HECTD4: variants seen among roughly 807,000 people sequenced by gnomAD.
The protein encoded by HECTD4 is probable E3 ubiquitin-protein ligase HECTD4.
In HECTD4, 114 loss-of-function variants were observed where a neutral mutation model predicts 471.5. The observed-to-expected ratio is 0.24, with a 90% CI of 0.21 to 0.28. HECTD4 has a LOEUF of 0.28. Among genes scored for constraint, HECTD4 ranks in the 10% least tolerant of loss-of-function variants. The pLI is 1.00. For missense variants in HECTD4, 3,866 were observed against 5,651.5 expected (o/e 0.68, Z 10.13); for synonymous variants, 2,012 against 2,256.0 (o/e 0.89, Z 3.07).
chr12:112,205,959 T>C (rs2032568987), intron 52 of HECTD4, among the ~76,000 whole-genome samples: 1 of 152,198 alleles, frequency 6.6e-6, no homozygotes. Context: ...TGTTGCTTGT[T>C]TAAGAAAGAG....
At chr12:112,308,932 T>G in intron 5 of HECTD4, 41 bp from the exon 6 acceptor site, 1 of 1,521,700 alleles carries the variant, frequency 6.6e-7, no homozygotes, top group Middle Eastern at 1.7e-4. Flanking sequence ...CACCTGGCTA[T>G]GTCAGAAACC....
intron 48 of HECTD4, 58 bp downstream of exon 48, chr12:112,216,234 G>C (rs961075642): frequency 8.4e-6 from 10 of 1,187,700 alleles, no homozygotes; most frequent in Non-Finnish European, 1.2e-5. Context: ...AACCTGTTTA[G>C]ACCCAAACCT....
rs2033804176 is a variant in HECTD4, at chr12:112,248,232, C to A, written c.4144-61G>T. 22 of 1,524,284 alleles carry A rather than the reference C, an allele frequency of 1.4e-5. 1 individual carries two copies. In the South Asian group the frequency reaches 2.5e-4, roughly 18 times the overall value. 94.4% of individuals were successfully genotyped at this position (1,524,284 alleles called of 1,614,324 possible). On this transcript the variant is annotated intron_variant, in intron 26 of 75. Coordinates refer to ENST00000682272, the MANE Select transcript of HECTD4 (RefSeq NM_001388303.1). ...CAAGTATGATTCAAAATTTTAGTCACAATAGTAATTTTAAAAATTAGATCA... is the reference window on the plus strand; with the variant it reads ...CAAGTATGATTCAAAATTTTAGTCAAAATAGTAATTTTAAAAATTAGATCA...
At chr12:112,365,531 G>A (rs772056278) in intron 1 of HECTD4, among the ~76,000 whole-genome samples, 1 of 152,124 alleles carries the variant, frequency 6.6e-6, no homozygotes, top group Non-Finnish European at 1.5e-5. Flanking sequence ...ACATTCAACT[G>A]CTCAATAGCC....
intron 1 of HECTD4, among the ~76,000 whole-genome samples, chr12:112,372,783 G>T (rs1055311085): frequency 2.6e-5 from 4 of 151,924 alleles, no homozygotes; most frequent in African/African-American, 9.7e-5. Context: ...TTGAGACAGG[G>T]TCTGGCTCTG....
At chr12:112,210,395 G>C in intron 49 of HECTD4, 143 bp from the exon 50 acceptor site, 1 of 804,232 alleles carries the variant, frequency 1.2e-6, no homozygotes. Flanking sequence ...GTGGGGGCTG[G>C]AGGGACTGAG....
chr12:112,266,663 TG>T (rs1479327313), intron 14 of HECTD4, among the ~76,000 whole-genome samples: 7 of 152,172 alleles, frequency 4.6e-5, no homozygotes, highest in Non-Finnish European at 8.8e-5. Flanking sequence ...TTTTATTTTT[TG>T]TAGAGTCAGG....
rs539591087 is a variant in HECTD4 at position 112,170,426 on chromosome 12, T to C, written c.11959A>G (p.Thr3987Ala). 4 of 1,613,962 alleles carry C rather than the reference T, an allele frequency of 2.5e-6. No individual in the cohort carries two copies. The highest frequency in any genetic ancestry group is 3.4e-6 in the Non-Finnish European group (4 of 1,179,884). ...GCATTCAGCACTCGATTCATCACGG[T>C]CACCTTCGTGTCATAGAAGATCAGC... The part of the protein sequence containing the change: ...KGLIFYDTKV[T>A]VMNRVLNATV... The change falls in exon 69 of 76, where the codon ACC becomes GCC. Residue 3987 changes from threonine (T) to alanine (A), a missense_variant. This residue lies in a region of HECTD4 where 715 missense variants were observed against 1,087.6 expected (regional missense o/e 0.66). Coordinates refer to ENST00000682272, the MANE Select transcript of HECTD4 (RefSeq NM_001388303.1).
intron 6 of HECTD4, among the ~76,000 whole-genome samples, chr12:112,307,657 G>A (rs1206624490): frequency 6.6e-6 from 1 of 152,176 alleles, no homozygotes; most frequent in Non-Finnish European, 1.5e-5. Context: ...TATGTGCTCT[G>A]GAGATGACAG....
intron 65 of HECTD4, 88 bp from the exon 66 acceptor site, chr12:112,175,947 C>T: frequency 6.7e-7 from 1 of 1,501,208 alleles, no homozygotes; most frequent in Non-Finnish European, 9.1e-7. Context: ...CACAGCCTCT[C>T]CCCTACGGCC....
intron 44 of HECTD4, among the ~76,000 whole-genome samples, chr12:112,224,813 C>T (rs1014885033): frequency 6.6e-6 from 1 of 152,156 alleles, no homozygotes; most frequent in African/African-American, 2.4e-5. Context: ...GTAAATTTCA[C>T]AATTAAGACC....
chr12:112,374,722 G>C (rs953241059), intron 1 of HECTD4, among the ~76,000 whole-genome samples: 1 of 152,208 alleles, frequency 6.6e-6, no homozygotes, highest in South Asian at 2.1e-4. Flanking sequence ...GGCTAGCAGT[G>C]TCCTCCTAGG....
chr12:112,200,653 T>G lies in HECTD4; in HGVS notation c.8552A>C (p.Asn2851Thr). The G allele has an allele frequency of 6.2e-7, 1 of 1,612,044 alleles. No homozygotes were observed. The highest frequency in any genetic ancestry group is 8.5e-7 in the Non-Finnish European group (1 of 1,178,934). The change falls in exon 55 of 76, where the codon AAC becomes ACC. Residue 2851 changes from asparagine (N) to threonine (T), a missense_variant. This residue lies in a region of HECTD4 where 266 missense variants were observed against 441.6 expected (regional missense o/e 0.60). Coordinates refer to ENST00000682272, the MANE Select transcript of HECTD4 (RefSeq NM_001388303.1). ...CCAATTGTACCTGTGAATTTGAAGG[T>G]TGGTATTGTCCAGTGTGACCAGCCC... is the stretch of plus-strand genomic sequence containing the variant. The part of the protein sequence containing the change: ...TNGLVTLDNT[N>T]LQIHRELLRC...
intron 17 of HECTD4, among the ~76,000 whole-genome samples, chr12:112,262,339 C>T (rs541109109): frequency 1.0e-3 from 155 of 151,638 alleles, no homozygotes; most frequent in African/African-American, 3.5e-3. Flanking sequence ...GGTGAAACCC[C>T]GTCTCTACTA....
Position 112,334,843 on chromosome 12 carries a change from T to C in HECTD4, c.178-15101A>G, listed in dbSNP as rs570513470. On this transcript the variant is annotated intron_variant, in intron 1 of 75. Transcript: ENST00000682272. ...AAAAAAAAAGCCATAATCAAAAAAA[T>C]TAAAAAATAATACACGTTGGCATGG... Among the ~76,000 whole-genome samples the C allele has an allele frequency of 3.2e-4, 46 of 143,868 alleles. No homozygotes were observed. The East Asian group carries it at 8.8e-3, about 27-fold the overall frequency. 94.4% of individuals were successfully genotyped at this position (143,868 alleles called of 152,430 possible).
At chr12:112,185,597 C>T in intron 60 of HECTD4, 104 bp from the exon 61 acceptor site, 1 of 838,038 alleles carries the variant, frequency 1.2e-6, no homozygotes, top group Non-Finnish European at 1.8e-6. Flanking sequence ...CCTGTGAACA[C>T]TGACTGCGCA....
intron 47 of HECTD4, among the ~76,000 whole-genome samples, 188 bp from the exon 48 acceptor site, chr12:112,216,559 G>T (rs1490297606): frequency 6.6e-6 from 1 of 152,116 alleles, no homozygotes; most frequent in African/African-American, 2.4e-5. Context: ...AAGGGTTATA[G>T]AATTTGCAAA....
intron 7 of HECTD4, among the ~76,000 whole-genome samples, chr12:112,285,745 A>G (rs2034739439): frequency 1.3e-5 from 2 of 152,034 alleles, no homozygotes; most frequent in South Asian, 4.2e-4. Context: ...CATCCTTGCT[A>G]CTACGATCTA....
At chr12:112,341,851 C>T (rs1017514156) in intron 1 of HECTD4, among the ~76,000 whole-genome samples, 7 of 152,136 alleles carry the variant, frequency 4.6e-5, no homozygotes, top group Non-Finnish European at 7.3e-5. Flanking sequence ...TCTTAGCAGA[C>T]CAGGGACAAA....
Sources: gnomAD v4.1 joint callset for allele counts (sites outside exome capture counted in the v4.1 genomes callset) on GRCh38, gnomAD v4.1.1 for gene constraint, gnomAD v4.1.1 regional missense constraint, MANE v1.5 for transcripts, NCBI Gene and HGNC (gene_info 2026-07-23, HGNC 2026-07-21) for gene names.